Variants in PCLO observed in about 807,000 individuals in gnomAD.
The protein encoded by PCLO is protein piccolo.
Under a neutral mutation model 427.5 loss-of-function variants are expected in PCLO, and 82 were observed. That is an observed-to-expected ratio of 0.19 (90% CI 0.16 to 0.23). The LOEUF (loss-of-function observed/expected upper bound fraction) is 0.23. Ranked by LOEUF, PCLO falls within the 10% of genes least tolerant of loss-of-function variation. The pLI is 1.00. For missense variants in PCLO, 6,239 were observed against 6,115.9 expected, an observed-to-expected ratio of 1.02 and a Z score of -0.67; for synonymous variants, 2,357 against 2,155.4, an observed-to-expected ratio of 1.09 and a Z score of -2.59.
intron 3 of PCLO, among the ~76,000 whole-genome samples, chr7:82,988,626 T>C (rs1319961636): frequency 6.6e-6 from 1 of 151,930 alleles, no homozygotes; most frequent in African/African-American, 2.4e-5. Flanking sequence ...TATAGTAATA[T>C]TATATTAAAA....
chr7:82,791,160 A>G (rs974630763), intron 22 of PCLO, among the ~76,000 whole-genome samples: 2 of 152,210 alleles, frequency 1.3e-5, no homozygotes, highest in East Asian at 3.9e-4. Flanking sequence ...GACCTAGCCA[A>G]ATGCTTGGCA....
chr7:82,867,424 T>C (rs1490988563), intron 10 of PCLO, among the ~76,000 whole-genome samples: 3 of 152,200 alleles, frequency 2.0e-5, no homozygotes, highest in Non-Finnish European at 2.9e-5. Context: ...AGGCAATAAG[T>C]ACCAGATCTG....
intron 20 of PCLO, among the ~76,000 whole-genome samples, chr7:82,806,498 A>G (rs1192630416): frequency 6.6e-6 from 1 of 152,164 alleles, no homozygotes; most frequent in Non-Finnish European, 1.5e-5. Context: ...TACAGACATT[A>G]CAAATTTGTG....
rs1305213104 is a variant in PCLO, at chr7:82,949,752, C to A, written c.10836G>T (p.Leu3612=). The A allele has an allele frequency of 1.2e-6, 2 of 1,613,618 alleles. No homozygotes were observed. The highest frequency in any genetic ancestry group is 2.7e-5 in the African/African-American group (2 of 74,832). The change falls in exon 6 of 25, where the codon CTG becomes CTT. Residue 3612 remains leucine, a synonymous_variant. Transcript: ENST00000333891. ...SHLRADSTVQ[L]APSPPKSPKV... Reference sequence around the variant, plus strand: ...TGGGGGATTTGGGTGGGGAAGGAGCCAGCTGTACTGTGGAATCTGCCCGGA... The same window carrying A: ...TGGGGGATTTGGGTGGGGAAGGAGCAAGCTGTACTGTGGAATCTGCCCGGA...
At chr7:82,853,208 T>G (rs28387030) in intron 10 of PCLO, among the ~76,000 whole-genome samples, 7,905 of 152,172 alleles carry the variant, frequency 0.052, 722 homozygotes, top group African/African-American at 0.18. Context: ...ATTTTTATTT[T>G]TTGTACTCAT....
Position 82,956,508 on chromosome 7 carries a change from T to A in PCLO, c.4445A>T (p.Asp1482Val), listed in dbSNP as rs2115577071. 1 of 1,613,164 alleles carries A rather than the reference T, an allele frequency of 6.2e-7. No homozygotes were observed. Among genetic ancestry groups the A allele is most frequent in the Non-Finnish European group, 8.5e-7 (1 of 1,179,732 alleles). ...QEERKDTFKKDSQQDIPSSKD... is the reference protein window; with the variant it reads ...QEERKDTFKKVSQQDIPSSKD... ...GCTGGAAGGAATATCTTGTTGGCTA[T>A]CTTTTTTAAAAGTGTCTTTCCTTTC... is the stretch of plus-strand genomic sequence containing the variant. Residue 1482 changes from aspartate (D) to valine (V), a missense_variant, in exon 5 of 25, where the codon GAT (aspartate) becomes GTT (valine). Asp to Val is a radical substitution (Grantham distance 152, BLOSUM62 -3). Around this residue, in one of 5 missense-constraint regions of PCLO, gnomAD observed 4,677 missense variants for 4,468.4 expected, o/e 1.05. Coordinates refer to ENST00000333891, the MANE Select transcript of PCLO (RefSeq NM_033026.6).
chr7:82,789,057 G>GA lies in PCLO; in HGVS notation c.15007+12460dup, dbSNP rs544668664. Reference sequence around the variant, plus strand: ...CTAAATACTTTATTAAGAAAACTATGAAAAAAAATGATTAGTTATATAAAA... The same window carrying GA: ...CTAAATACTTTATTAAGAAAACTATGAAAAAAAAATGATTAGTTATATAAAA... On this transcript the variant is annotated intron_variant, in intron 22 of 24. Transcript: ENST00000333891. Among the ~76,000 whole-genome samples the GA allele has an allele frequency of 5.3e-5, 8 of 151,170 alleles. No individual in the cohort carries two copies. The South Asian group carries it at 8.4e-4, about 16-fold the overall frequency.
At chr7:82,805,548 C>T (rs972948647) in intron 21 of PCLO, 140 bp downstream of exon 21, 2 of 670,058 alleles carry the variant, frequency 3.0e-6, no homozygotes, top group Non-Finnish European at 4.9e-6. Flanking sequence ...TCTATTTTTA[C>T]ATAGGCATTA....
At position 82,952,966 on chromosome 7, in the gene PCLO, GAGC is replaced by G. The variant is rs1160404178; in HGVS notation, c.7984_7986del (p.Ala2662del). The G allele has an allele frequency of 6.2e-7, 1 of 1,613,788 alleles. No homozygotes were observed. The highest frequency in any genetic ancestry group is 2.2e-5 in the East Asian group (1 of 44,868). ...GTGAGAAACTGTGTAACTGATGTGG[GAGC>G]TGCTTGAAATGAAGAGGGTGCTGTG... On this transcript the variant is annotated inframe_deletion, in exon 5 of 25. Transcript: ENST00000333891.
intron 10 of PCLO, among the ~76,000 whole-genome samples, chr7:82,869,871 A>G (rs1007773791): frequency 6.6e-6 from 1 of 152,040 alleles, no homozygotes; most frequent in Non-Finnish European, 1.5e-5. Flanking sequence ...TGGAAACTAT[A>G]AAACATGAAA....
At chr7:83,152,289 T>C (rs1792158280) in intron 2 of PCLO, among the ~76,000 whole-genome samples, 2 of 152,144 alleles carry the variant, frequency 1.3e-5, no homozygotes, top group African/African-American at 2.4e-5. Flanking sequence ...TAGAAATAAA[T>C]ATATAGATGT....
At chr7:82,830,565 C>A (rs1181269330) in intron 16 of PCLO, among the ~76,000 whole-genome samples, 6 of 151,952 alleles carry the variant, frequency 3.9e-5, no homozygotes, top group Non-Finnish European at 7.4e-5. Context: ...ACATAGGAAA[C>A]AAACACATGG....
chr7:82,884,254 A>T (rs1793578263), intron 9 of PCLO, among the ~76,000 whole-genome samples: 1 of 152,216 alleles, frequency 6.6e-6, no homozygotes, highest in Non-Finnish European at 1.5e-5. Context: ...AGTATATTGC[A>T]TGAGATGAGT....
intron 3 of PCLO, among the ~76,000 whole-genome samples, chr7:83,075,183 A>C (rs978134476): frequency 3.3e-5 from 5 of 152,148 alleles, no homozygotes; most frequent in Non-Finnish European, 7.4e-5. Flanking sequence ...GACACGTAAA[A>C]ATTGAGAGAT....
At position 83,155,590 on chromosome 7, in the gene PCLO, G is replaced by A. The variant is rs1284308005; in HGVS notation, c.1051C>T (p.Pro351Ser). The A allele has an allele frequency of 1.9e-6, 3 of 1,612,484 alleles. No individual in the cohort carries two copies. The highest frequency in any genetic ancestry group is 1.3e-5 in the African/African-American group (1 of 74,968). Residue 351 changes from proline to serine, a missense_variant, in exon 2 of 25, where the codon CCC becomes TCC. Pro to Ser is a moderately conservative substitution (Grantham distance 74). This residue lies in a region of PCLO where 4,677 missense variants were observed against 4,468.4 expected (regional missense o/e 1.05). Transcript: ENST00000333891. ...PLAQQPGTVK[P>S]PVQPPGTTKP... ...GTTGTCCCTGGTGGCTGGACTGGGG[G>A]TTTCACTGTCCCTGGTTGTTGAGCC...
intron 3 of PCLO, among the ~76,000 whole-genome samples, chr7:83,074,496 A>AC: frequency 6.7e-6 from 1 of 149,722 alleles, no homozygotes; most frequent in African/African-American, 2.5e-5. Context: ...ATGGACACCT[A>AC]TGAGACGTAG....
chr7:82,917,281 T>A (rs1794490760), intron 6 of PCLO, among the ~76,000 whole-genome samples: 1 of 152,106 alleles, frequency 6.6e-6, no homozygotes, highest in Non-Finnish European at 1.5e-5. Flanking sequence ...TCATTCCCAT[T>A]TTTTAAATTA....
rs1377292506 is a variant in PCLO at position 82,915,709 on chromosome 7, C to T, written c.12277G>A (p.Asp4093Asn). The T allele has an allele frequency of 6.2e-7, 1 of 1,612,648 alleles. No homozygotes were observed. Among genetic ancestry groups the T allele is most frequent in the African/African-American group, 1.3e-5 (1 of 75,030 alleles). ...GAAGACTGTAAAGGTGCTAGGAAAT[C>T]TGTCACTTCTTGAGACCGGCGTGTC... is the stretch of plus-strand genomic sequence containing the variant. ...TETRRSQEVTDFLAPLQSSSR... is the reference protein window; with the variant it reads ...TETRRSQEVTNFLAPLQSSSR... Residue 4093 changes from aspartate to asparagine, a missense_variant, in exon 7 of 25, where the codon GAT (aspartate) becomes AAT (asparagine). By Grantham distance (23) the Asp-to-Asn change is conservative. Coordinates refer to ENST00000333891, the MANE Select transcript of PCLO (RefSeq NM_033026.6).
At chr7:82,823,184 T>A (rs1791839427) in intron 19 of PCLO, among the ~76,000 whole-genome samples, 1 of 152,178 alleles carries the variant, frequency 6.6e-6, no homozygotes, top group Non-Finnish European at 1.5e-5. Context: ...TCATGCAGTA[T>A]GTTAAGCAAG....
Sources: allele counts gnomAD v4.1 joint callset (sites outside exome capture counted in the v4.1 genomes callset), GRCh38; gene constraint gnomAD v4.1.1; regional missense constraint gnomAD v4.1.1; transcripts MANE v1.5; gene names NCBI Gene and HGNC (gene_info 2026-07-23, HGNC 2026-07-21).